Variants in NWD2 observed in about 807,000 individuals in gnomAD.
NWD2 encodes NACHT and WD repeat domain-containing protein 2.
NWD2 carries 37 observed loss-of-function variants against 132.7 expected under a neutral mutation model. That is an observed-to-expected ratio of 0.28 (90% confidence interval 0.21 to 0.37). The LOEUF is 0.37. Ranked by LOEUF, NWD2 falls within the 10% of genes least tolerant of loss-of-function variation. The probability of loss-of-function intolerance (pLI) is 1.00; values close to 1 mark genes in which losing one functional copy is unlikely to be tolerated. For missense variants in NWD2, 1,592 were observed against 2,122.4 expected (o/e 0.75, Z 4.91); for synonymous variants, 705 against 803.0 (o/e 0.88, Z 2.06).
chr4:37,313,181 T>G (rs1275014696), intron 1 of NWD2, among the ~76,000 whole-genome samples: 1 of 151,198 alleles, frequency 6.6e-6, no homozygotes, highest in Non-Finnish European at 1.5e-5. Context: ...TTCTGTTGAT[T>G]TGAATAGTTT....
intron 2 of NWD2, among the ~76,000 whole-genome samples, chr4:37,351,888 C>T (rs914769459): frequency 2.6e-5 from 4 of 152,172 alleles, no homozygotes; most frequent in Admixed American, 6.5e-5. Flanking sequence ...TCTTCATTCT[C>T]ATTGGTTTCA....
At chr4:37,342,708 G>T (rs1719552152) in intron 2 of NWD2, among the ~76,000 whole-genome samples, 1 of 152,200 alleles carries the variant, frequency 6.6e-6, no homozygotes, top group Non-Finnish European at 1.5e-5. Flanking sequence ...TCATGGTCAA[G>T]GGTTCAGTTC....
intron 2 of NWD2, among the ~76,000 whole-genome samples, chr4:37,338,052 C>G (rs1029726245): frequency 1.3e-4 from 20 of 152,278 alleles, no homozygotes; most frequent in African/African-American, 4.8e-4. Flanking sequence ...TTCTTAACAG[C>G]TGGATGTCTA....
chr4:37,245,187 C>G lies in NWD2; in HGVS notation c.120C>G (p.Ser40Arg). The G allele has an allele frequency of 6.5e-7, 1 of 1,543,540 alleles. No homozygotes were observed. Residue 40 changes from serine to arginine, a missense_variant, in exon 1 of 7, where the codon AGC becomes AGG. This residue lies in a region of NWD2 where 88 missense variants were observed against 92.8 expected (regional missense o/e 0.95). Transcript: ENST00000309447. ...LPSHLVPAGR[S>R]VRVFISANPE... ...CTCACCTCGTGCCCGCCGGCCGCAG[C>G]GTCCGGGTCTTCATCAGCGCCAACC...
chr4:37,256,767 T>C (rs1425075686), intron 1 of NWD2, among the ~76,000 whole-genome samples: 2 of 152,158 alleles, frequency 1.3e-5, no homozygotes, highest in Admixed American at 6.5e-5. Context: ...TCCAAAGCTC[T>C]CTCTCTCCTC....
intron 2 of NWD2, among the ~76,000 whole-genome samples, chr4:37,331,798 T>C (rs537292819): frequency 1.3e-5 from 2 of 152,118 alleles, no homozygotes; most frequent in Non-Finnish European, 1.5e-5. Context: ...GGAAAGACAG[T>C]CTTGAATTTC....
intron 1 of NWD2, among the ~76,000 whole-genome samples, chr4:37,268,124 C>T (rs1717795724): frequency 6.6e-6 from 1 of 151,930 alleles, no homozygotes; most frequent in African/African-American, 2.4e-5. Flanking sequence ...GGGATAAAGT[C>T]TGAACTCAAG....
chr4:37,291,962 G>A (rs1193588668), intron 1 of NWD2, among the ~76,000 whole-genome samples: 1 of 152,150 alleles, frequency 6.6e-6, no homozygotes, highest in Non-Finnish European at 1.5e-5. Context: ...AATGTAAGCT[G>A]ACTCAGATAT....
In NWD2 at chr4:37,312,684, G is replaced by T. The variant is rs954508511; in HGVS notation, c.152-13252G>T. On this transcript the variant is annotated intron_variant, in intron 1 of 6. Transcript: ENST00000309447. ...ACACTATGTTGAATAGGAGTGGTGA[G>T]AGAGGGCATCCCTGTCTTGTGCCAG... 7.3e-5 allele frequency among the ~76,000 whole-genome samples: 11 copies of T among 150,890 alleles called. 1 individual carries two copies. The highest frequency in any genetic ancestry group is 1.2e-4 in the Non-Finnish European group (8 of 68,014).
In NWD2 at chr4:37,363,043, G is replaced by A. The variant is rs971415803; in HGVS notation, c.357+6561G>A. Among the ~76,000 whole-genome samples the A allele has an allele frequency of 3.9e-5, 6 of 151,996 alleles. No individual in the cohort carries two copies. The South Asian group carries it at 8.3e-4, about 21-fold the overall frequency. On this transcript the variant is annotated intron_variant, in intron 3 of 6. Coordinates refer to ENST00000309447, the MANE Select transcript of NWD2 (RefSeq NM_001144990.2). ...GAAGACATACAAGTGTCCCACAAACGTATGAAAAAAATGCTTATCAACACT... is the reference window on the plus strand; with the variant it reads ...GAAGACATACAAGTGTCCCACAAACATATGAAAAAAATGCTTATCAACACT...
In NWD2 at chr4:37,316,026, C is replaced by G. The variant is rs368772968; in HGVS notation, c.152-9910C>G. ...GTATGTTAAAATCCAAAGGTACAGTCTTTTCTACTAAATGTAGAAAGAAGA... is the reference window on the plus strand; with the variant it reads ...GTATGTTAAAATCCAAAGGTACAGTGTTTTCTACTAAATGTAGAAAGAAGA... On this transcript the variant is annotated intron_variant, in intron 1 of 6. Transcript: ENST00000309447. Among the ~76,000 whole-genome samples, 14 of 152,120 alleles carry G rather than the reference C, an allele frequency of 9.2e-5. No individual in the cohort carries two copies. The East Asian group carries it at 1.7e-3, about 19-fold the overall frequency.
chr4:37,260,733 T>A (rs1195512410), intron 1 of NWD2, among the ~76,000 whole-genome samples: 1 of 152,196 alleles, frequency 6.6e-6, no homozygotes, highest in African/African-American at 2.4e-5. Flanking sequence ...AAAAGACATC[T>A]TCCTTAGGCC....
chr4:37,317,618 T>C (rs1718984161), intron 1 of NWD2, among the ~76,000 whole-genome samples: 1 of 152,198 alleles, frequency 6.6e-6, no homozygotes, highest in South Asian at 2.1e-4. Context: ...TTACCCAAAG[T>C]TCAGTGATTA....
intron 1 of NWD2, among the ~76,000 whole-genome samples, chr4:37,317,028 C>T (rs1217882781): frequency 6.6e-6 from 1 of 152,136 alleles, no homozygotes; most frequent in East Asian, 1.9e-4. Flanking sequence ...TGTTTTTAAG[C>T]CTGACTTCTT....
chr4:37,244,909 G>A lies in NWD2; in HGVS notation c.-159G>A. 1 of 889,262 alleles carries A rather than the reference G, an allele frequency of 1.1e-6. No individual in the cohort carries two copies. The highest frequency in any genetic ancestry group is 3.0e-5 in the East Asian group (1 of 33,512). 55.1% of individuals were successfully genotyped at this position (889,262 alleles called of 1,614,324 possible). A position where few individuals can be genotyped will look rare whatever the true frequency, so the allele number is the denominator to read the frequency against. On this transcript the variant is annotated 5_prime_UTR_variant, in exon 1 of 7. Coordinates refer to ENST00000309447, the MANE Select transcript of NWD2 (RefSeq NM_001144990.2). This position sits in a 1 kb window ranked among gnomAD's most constrained non-coding sequence, Gnocchi z 5.5. ...TTCTCCTCGCCGGCGGGTGCTGTGCGCCACGGAGCTCGCCAAAGGCGCTTC... is the reference window on the plus strand; with the variant it reads ...TTCTCCTCGCCGGCGGGTGCTGTGCACCACGGAGCTCGCCAAAGGCGCTTC...
At chr4:37,409,054 A>G (rs1253691723) in intron 3 of NWD2, among the ~76,000 whole-genome samples, 1 of 152,146 alleles carries the variant, frequency 6.6e-6, no homozygotes, top group East Asian at 1.9e-4. Flanking sequence ...ATGGGGAGAA[A>G]CCAGGGCAGA....
chr4:37,326,729 G>A (rs190455314), intron 2 of NWD2, among the ~76,000 whole-genome samples: 24 of 152,272 alleles, frequency 1.6e-4, no homozygotes, highest in Admixed American at 1.2e-3. Flanking sequence ...CCTCATTGGC[G>A]ATGGAAATCC....
At chr4:37,349,842 C>T (rs1031978557) in intron 2 of NWD2, among the ~76,000 whole-genome samples, 1 of 152,142 alleles carries the variant, frequency 6.6e-6, no homozygotes, top group African/African-American at 2.4e-5. Context: ...GTCTTTAATA[C>T]ATCTTGAGTT....
rs922499612 is a variant in NWD2 at position 37,439,243 on chromosome 4, C to T, written c.1149C>T (p.Tyr383=). The T allele has an allele frequency of 2.5e-5, 38 of 1,551,012 alleles. No homozygotes were observed. The highest frequency in any genetic ancestry group is 6.8e-5 in the African/African-American group (5 of 73,026). The change falls in exon 6 of 7, where the codon TAC becomes TAT. Residue 383 remains tyrosine, a synonymous_variant. Transcript: ENST00000309447. This position sits in a 1 kb window ranked among gnomAD's most constrained non-coding sequence, Gnocchi z 4.5. ...AACATTCATCATTATGTAAAACATA[C>T]GCCTCCTTCTATGAGTACAAATGTG... is the stretch of plus-strand genomic sequence containing the variant. ...ILQHSSLCKT[Y]ASFYEYKCES...
Sources: allele counts gnomAD v4.1 joint callset (sites outside exome capture counted in the v4.1 genomes callset), GRCh38; gene constraint gnomAD v4.1.1; regional missense constraint gnomAD v4.1.1; non-coding constraint Gnocchi (gnomAD v3.1); transcripts MANE v1.5; gene names NCBI Gene and HGNC (gene_info 2026-07-23, HGNC 2026-07-21).